CDH6: variants seen among roughly 807,000 people sequenced by gnomAD.
The protein encoded by CDH6 is cadherin 6, also known as cadherin-6.
CDH6 carries 31 observed loss-of-function variants against 78.0 expected under a neutral mutation model. The observed-to-expected ratio is 0.40, with a 90% CI of 0.30 to 0.54. CDH6 has a LOEUF of 0.54. Ranked by LOEUF, CDH6 falls within the 20% of genes least tolerant of loss-of-function variation. The probability of loss-of-function intolerance (pLI) is 0.56; values close to 1 mark genes in which losing one functional copy is unlikely to be tolerated. For missense variants in CDH6, 724 were observed against 975.9 expected, an observed-to-expected ratio of 0.74 and a Z score of 3.44; for synonymous variants, 376 against 368.8, an observed-to-expected ratio of 1.02 and a Z score of -0.23.
chr5:31,214,167 A>C (rs1374937971), intron 1 of CDH6, among the ~76,000 whole-genome samples: 2 of 150,854 alleles, frequency 1.3e-5, no homozygotes, highest in African/African-American at 4.9e-5. Flanking sequence ...AACAGGCAGC[A>C]GTCTGGGAAA....
chr5:31,322,356 G>A (rs1738495498), intron 11 of CDH6, among the ~76,000 whole-genome samples: 2 of 151,492 alleles, frequency 1.3e-5, no homozygotes, highest in Admixed American at 1.3e-4. Flanking sequence ...AAAAGGCATA[G>A]CGCAAAAGTT....
At position 31,323,332 on chromosome 5, in the gene CDH6, A is replaced by G. The variant is rs750944496; in HGVS notation, c.*24A>G. ...AATCTGTTGCCTTTTTCATTTTCCA[A>G]TACGACACTGAAATATGTGAAGTGG... On this transcript the variant is annotated 3_prime_UTR_variant, in exon 12 of 12. Coordinates refer to ENST00000265071, the MANE Select transcript of CDH6 (RefSeq NM_004932.4). 21 of 1,590,426 alleles carry G rather than the reference A, an allele frequency of 1.3e-5. No homozygotes were observed. Among genetic ancestry groups the G allele is most frequent in the Middle Eastern group, 1.7e-4 (1 of 5,944 alleles).
At chr5:31,304,227 G>T (rs1322060116) in intron 6 of CDH6, among the ~76,000 whole-genome samples, 1 of 152,022 alleles carries the variant, frequency 6.6e-6, no homozygotes, top group Non-Finnish European at 1.5e-5. Context: ...TGATGATGAG[G>T]GATTCACAAT....
chr5:31,303,072 A>G (rs907863103), intron 6 of CDH6, among the ~76,000 whole-genome samples: 25 of 152,176 alleles, frequency 1.6e-4, no homozygotes, highest in African/African-American at 2.9e-4. Context: ...TATACATCCA[A>G]TGAATTTTTA....
chr5:31,233,549 A>G (rs572175748), intron 1 of CDH6, among the ~76,000 whole-genome samples: 30 of 151,666 alleles, frequency 2.0e-4, no homozygotes, highest in Admixed American at 5.3e-4. Flanking sequence ...TTTGCTTATC[A>G]TATTTCCTTG....
At chr5:31,281,769 C>T (rs558024539) in intron 2 of CDH6, among the ~76,000 whole-genome samples, 2 of 152,170 alleles carry the variant, frequency 1.3e-5, no homozygotes, top group South Asian at 2.1e-4. Context: ...ATAAATACAA[C>T]GAATACAGAA....
At chr5:31,211,469 C>A (rs1579817943) in intron 1 of CDH6, among the ~76,000 whole-genome samples, 1 of 151,692 alleles carries the variant, frequency 6.6e-6, no homozygotes, top group South Asian at 2.1e-4. Flanking sequence ...TATAAATATC[C>A]CAAATCCTTC....
chr5:31,235,969 C>T (rs963559402), intron 1 of CDH6, among the ~76,000 whole-genome samples: 8 of 152,164 alleles, frequency 5.3e-5, no homozygotes, highest in South Asian at 2.1e-4. Context: ...TGTACTCATA[C>T]GATTGATATT....
At chr5:31,201,844 G>A (rs979522864) in intron 1 of CDH6, among the ~76,000 whole-genome samples, 3 of 152,144 alleles carry the variant, frequency 2.0e-5, no homozygotes, top group African/African-American at 7.2e-5. Context: ...TAATGAAAAG[G>A]TATCCTTGGG....
At position 31,293,981 on chromosome 5, in the gene CDH6, G is replaced by A. The variant is rs777479833; in HGVS notation, c.248G>A (p.Arg83Lys). The change falls in exon 3 of 12, where the codon AGA becomes AAA. Residue 83 changes from arginine to lysine, a missense_variant. Physicochemically the swap from Arg to Lys is conservative, Grantham distance 26. Coordinates refer to ENST00000265071, the MANE Select transcript of CDH6 (RefSeq NM_004932.4). ...CACTAGTTACATTCAGACCAGGATA[G>A]AGGAGATGGATCACTTAAATATATC... The part of the protein sequence containing the change: ...YVGKLHSDQD[R>K]GDGSLKYILS... 18 of 1,608,264 alleles carry A rather than the reference G, an allele frequency of 1.1e-5. No individual in the cohort carries two copies. The highest frequency in any genetic ancestry group is 2.2e-5 in the East Asian group (1 of 44,854).
intron 1 of CDH6, among the ~76,000 whole-genome samples, chr5:31,236,483 C>T (rs940359987): frequency 1.3e-5 from 2 of 152,126 alleles, no homozygotes; most frequent in African/African-American, 2.4e-5. Context: ...TCTCTCCGAT[C>T]GTCTTAGTTC....
At chr5:31,269,385 AG>A (rs1218739513) in intron 2 of CDH6, among the ~76,000 whole-genome samples, 2 of 152,140 alleles carry the variant, frequency 1.3e-5, no homozygotes, top group Non-Finnish European at 2.9e-5. Flanking sequence ...CATGGGGAAA[AG>A]TTACAAGCTG....
chr5:31,269,782 T>G (rs1246312790), intron 2 of CDH6, among the ~76,000 whole-genome samples: 1 of 152,216 alleles, frequency 6.6e-6, no homozygotes, highest in East Asian at 1.9e-4. Flanking sequence ...GATTTGGATA[T>G]TTTATGGGCA....
At chr5:31,212,096 C>A (rs938129092) in intron 1 of CDH6, among the ~76,000 whole-genome samples, 1 of 152,088 alleles carries the variant, frequency 6.6e-6, no homozygotes, top group Admixed American at 6.5e-5. Flanking sequence ...CCAAAAGATG[C>A]CCTGTTGGAC....
intron 2 of CDH6, among the ~76,000 whole-genome samples, chr5:31,281,647 A>G (rs1019797754): frequency 1.3e-5 from 2 of 152,230 alleles, no homozygotes; most frequent in African/African-American, 4.8e-5. Context: ...GCAGTTAATA[A>G]ACTAAAAGGC....
At chr5:31,301,878 A>C (rs561737472) in intron 5 of CDH6, among the ~76,000 whole-genome samples, 2 of 152,358 alleles carry the variant, frequency 1.3e-5, no homozygotes, top group South Asian at 4.1e-4. Context: ...CTGTTTACAG[A>C]CAAGAAAAGT....
intron 8 of CDH6, among the ~76,000 whole-genome samples, chr5:31,315,661 A>G (rs900445078): frequency 6.6e-6 from 1 of 152,234 alleles, no homozygotes; most frequent in Non-Finnish European, 1.5e-5. Flanking sequence ...ACACAGATAA[A>G]TTACTTAACT....
chr5:31,280,914 A>G (rs531861766), intron 2 of CDH6, among the ~76,000 whole-genome samples: 10 of 152,082 alleles, frequency 6.6e-5, no homozygotes, highest in African/African-American at 2.2e-4. Context: ...CAAAAAAAAA[A>G]AAAACTAATA....
At chr5:31,316,971 G>A (rs1039644751) in intron 9 of CDH6, among the ~76,000 whole-genome samples, 1 of 152,210 alleles carries the variant, frequency 6.6e-6, no homozygotes, top group African/African-American at 2.4e-5. Flanking sequence ...TTGTGAAGTT[G>A]CAATGTTGTC....
Sources: allele counts gnomAD v4.1 joint callset (sites outside exome capture counted in the v4.1 genomes callset), GRCh38; gene constraint gnomAD v4.1.1; transcripts MANE v1.5; gene names NCBI Gene and HGNC (gene_info 2026-07-23, HGNC 2026-07-21).